The following TMX2 variants were observed in gnomAD, a reference collection of about 807,000 sequenced individuals.
The protein encoded by TMX2 is thioredoxin-related transmembrane protein 2.
Under a neutral mutation model 33.4 loss-of-function variants are expected in TMX2, and 20 were observed. The observed-to-expected ratio is 0.60, with a 90% CI of 0.42 to 0.87. The LOEUF is 0.87. Ranked by LOEUF, TMX2 falls within the 40% of genes least tolerant of loss-of-function variation. The pLI, the probability that TMX2 is intolerant of heterozygous loss-of-function variation, is 0.00. For missense variants in TMX2, 340 were observed against 370.7 expected, an observed-to-expected ratio of 0.92 and a Z score of 0.68; for synonymous variants, 166 against 140.7, an observed-to-expected ratio of 1.18 and a Z score of -1.27.
intron 1 of TMX2, among the ~76,000 whole-genome samples, chr11:57,720,246 C>T (rs147046708): frequency 6.6e-6 from 1 of 151,758 alleles, no homozygotes; most frequent in African/African-American, 2.4e-5. Context: ...AAACTCTTCT[C>T]TCTTTTGAAT....
At chr11:57,735,126 T>C (rs1158428954) in intron 1 of TMX2, among the ~76,000 whole-genome samples, 1 of 151,650 alleles carries the variant, frequency 6.6e-6, no homozygotes, top group African/African-American at 2.4e-5. Flanking sequence ...CAAGAGTCCG[T>C]CTCAAAAAAA....
chr11:57,714,014 T>TA (rs1946812379), intron 1 of TMX2, among the ~76,000 whole-genome samples: 1 of 152,222 alleles, frequency 6.6e-6, no homozygotes, highest in African/African-American at 2.4e-5. Context: ...ATAAGGTAGT[T>TA]ATCAGAGTAA....
intron 1 of TMX2, 146 bp from the exon 2 acceptor site, chr11:57,737,462 C>T (rs958801730): frequency 4.9e-5 from 33 of 669,154 alleles, no homozygotes; most frequent in South Asian, 4.4e-4. Context: ...TGTTTATCCC[C>T]GTACACCTTA....
chr11:57,738,489 G>T (rs1286889619), intron 4 of TMX2, 59 bp downstream of exon 4: 1 of 1,384,150 alleles, frequency 7.2e-7, no homozygotes, highest in Non-Finnish European at 1.0e-6. Flanking sequence ...TTGTAGTTGT[G>T]CTCTCCATTC....
At chr11:57,736,771 C>A (rs1234696620) in intron 1 of TMX2, among the ~76,000 whole-genome samples, 3 of 151,678 alleles carry the variant, frequency 2.0e-5, no homozygotes, top group African/African-American at 7.3e-5. Flanking sequence ...GCCTGTAGTC[C>A]CAGCTACTTG....
intron 1 of TMX2, among the ~76,000 whole-genome samples, chr11:57,713,103 T>C (rs1946737426): frequency 6.6e-6 from 1 of 152,226 alleles, no homozygotes. Context: ...CTATCAAAAC[T>C]GTACATACAC....
At chr11:57,734,619 G>T (rs1948628305) in intron 1 of TMX2, among the ~76,000 whole-genome samples, 1 of 151,546 alleles carries the variant, frequency 6.6e-6, no homozygotes, top group Non-Finnish European at 1.5e-5. Context: ...GTGGGGGCAG[G>T]TGCCTGTAAT....
intron 1 of TMX2, chr11:57,718,366 A>AC (rs1947318041): frequency 6.7e-7 from 1 of 1,498,754 alleles, no homozygotes; most frequent in East Asian, 2.3e-5. Flanking sequence ...ACCCTGGAAT[A>AC]ATTCTGTGAA....
intron 1 of TMX2, among the ~76,000 whole-genome samples, chr11:57,731,938 A>G (rs1457548976): frequency 6.6e-6 from 1 of 152,190 alleles, no homozygotes; most frequent in East Asian, 1.9e-4. Flanking sequence ...AAGATATAAC[A>G]AGAGAAAAAG....
chr11:57,733,488 C>T (rs1948532731), intron 1 of TMX2, among the ~76,000 whole-genome samples: 1 of 151,866 alleles, frequency 6.6e-6, no homozygotes. Context: ...AATTCCTGAC[C>T]TCAGGTGATC....
chr11:57,724,981 G>C (rs1041833875), intron 1 of TMX2, among the ~76,000 whole-genome samples: 12 of 150,902 alleles, frequency 8.0e-5, no homozygotes, highest in Non-Finnish European at 1.6e-4. Context: ...AGAGGTTGCA[G>C]TGAGCCAAGA....
At position 57,731,118 on chromosome 11, in the gene TMX2, GTTTT is replaced by G. The variant is rs1303823360; in HGVS notation, c.190-6487_190-6484del. On this transcript the variant is annotated intron_variant, in intron 1 of 7. Transcript: ENST00000278422. ...AAAAGTGCCACTCTTTCCGTTTTTT[GTTTT>G]TTGTTTTTTTTTTTTTTTTTTTTTT... Among the ~76,000 whole-genome samples, 16 of 71,186 alleles carry G rather than the reference GTTTT, an allele frequency of 2.2e-4. No individual in the cohort carries two copies. In the South Asian group the frequency reaches 3.7e-3, roughly 17 times the overall value. The allele number at this position is 71,186 out of a possible 152,430, so 46.7% of individuals were successfully genotyped here.
chr11:57,734,530 T>G (rs1948623033), intron 1 of TMX2, among the ~76,000 whole-genome samples: 1 of 150,884 alleles, frequency 6.6e-6, no homozygotes, highest in Admixed American at 6.6e-5. Context: ...GGTGGATCAC[T>G]TGAGGCCAGG....
At chr11:57,734,970 C>G (rs952704236) in intron 1 of TMX2, among the ~76,000 whole-genome samples, 1 of 150,656 alleles carries the variant, frequency 6.6e-6, no homozygotes, top group South Asian at 2.1e-4. Context: ...CCCATCTCTA[C>G]TAAAAATACA....
chr11:57,731,784 C>G (rs1477468781), intron 1 of TMX2, among the ~76,000 whole-genome samples: 1 of 152,006 alleles, frequency 6.6e-6, no homozygotes, highest in Non-Finnish European at 1.5e-5. Flanking sequence ...TTTGGGGACC[C>G]ACAGCACAAT....
At chr11:57,731,368 A>G (rs1240874197) in intron 1 of TMX2, among the ~76,000 whole-genome samples, 1 of 148,532 alleles carries the variant, frequency 6.7e-6, no homozygotes, top group Non-Finnish European at 1.5e-5. Flanking sequence ...TCCTGACATC[A>G]GGTGATCTGC....
chr11:57,738,884 C>A, intron 5 of TMX2, 90 bp from the exon 6 acceptor site: 1 of 1,528,928 alleles, frequency 6.5e-7, no homozygotes, highest in Non-Finnish European at 9.1e-7. Context: ...TAACCAAAGG[C>A]ATCTCCCTCT....
intron 1 of TMX2, among the ~76,000 whole-genome samples, chr11:57,734,374 T>C (rs1164725650): frequency 6.6e-6 from 1 of 152,194 alleles, no homozygotes; most frequent in African/African-American, 2.4e-5. Context: ...AGCTAGTCCC[T>C]CCATAGACCA....
chr11:57,733,357 G>A (rs1028201828), intron 1 of TMX2, among the ~76,000 whole-genome samples: 2 of 149,208 alleles, frequency 1.3e-5, no homozygotes, highest in Admixed American at 6.8e-5. Flanking sequence ...TCGGGTTCAA[G>A]CGATTCTCCT....
Sources: gnomAD v4.1 joint callset for allele counts (sites outside exome capture counted in the v4.1 genomes callset) on GRCh38, gnomAD v4.1.1 for gene constraint, MANE v1.5 for transcripts, NCBI Gene and HGNC (gene_info 2026-07-23, HGNC 2026-07-21) for gene names.